ABCC11: variants seen among roughly 807,000 people sequenced by gnomAD.
ABCC11 encodes the protein ATP binding cassette subfamily C member 11, also known as ATP-binding cassette sub-family C member 11.
A neutral mutation model predicts 149.3 loss-of-function variants in ABCC11; 135 were observed. The observed-to-expected ratio is 0.90, with a 90% CI of 0.79 to 1.04. The LOEUF (loss-of-function observed/expected upper bound fraction) is 1.04. Ranked by LOEUF, ABCC11 falls within the 50% of genes least tolerant of loss-of-function variation. ABCC11 has a pLI of 0.00. For synonymous variants in ABCC11, 665 were observed against 671.4 expected, an observed-to-expected ratio of 0.99 and a Z score of 0.15; for missense variants, 1,680 against 1,722.1, an observed-to-expected ratio of 0.98 and a Z score of 0.43.
chr16:48,192,631 C>A lies in ABCC11; in HGVS notation c.2595G>T (p.Val865=). The A allele has an allele frequency of 6.2e-7, 1 of 1,614,206 alleles. No individual in the cohort carries two copies. The highest frequency in any genetic ancestry group is 8.5e-7 in the Non-Finnish European group (1 of 1,180,038). ...DNPQLSFYQL[V]YGLNALLLIC... ...TGAGGAGCAGGGCGTTGAGCCCGTA[C>A]ACCAGCTGGTAGAAGGACAGTTGAG... Residue 865 remains valine (V), a synonymous_variant, in exon 20 of 30, where the codon GTG becomes GTT. Coordinates refer to ENST00000356608, the MANE Select transcript of ABCC11 (RefSeq NM_001370497.1).
intron 3 of ABCC11, 30 bp downstream of exon 3, chr16:48,230,407 C>T (rs1435639948): frequency 6.4e-7 from 1 of 1,555,842 alleles, no homozygotes; most frequent in Non-Finnish European, 8.7e-7. Flanking sequence ...GTGGATACAG[C>T]TCTCTCCCAC....
At chr16:48,171,031 T>C in intron 26 of ABCC11, 64 bp from the exon 27 acceptor site, 1 of 1,349,328 alleles carries the variant, frequency 7.4e-7, no homozygotes, top group African/African-American at 1.4e-5. Flanking sequence ...CTCATTTATA[T>C]GCCCAGTGAA....
chr16:48,210,584 A>G (rs1004669864), intron 11 of ABCC11: 1 of 208,244 alleles, frequency 4.8e-6, no homozygotes, highest in African/African-American at 2.3e-5. Context: ...GTGAGTTCAC[A>G]GAATAACCAA....
At chr16:48,200,863 A>G (rs1967910574) in intron 14 of ABCC11, among the ~76,000 whole-genome samples, 1 of 152,254 alleles carries the variant, frequency 6.6e-6, no homozygotes, top group Admixed American at 6.5e-5. Flanking sequence ...AATGTATTGT[A>G]TATTTCAGCA....
intron 17 of ABCC11, 58 bp from the exon 18 acceptor site, chr16:48,196,379 C>T (rs529775349): frequency 2.0e-6 from 3 of 1,523,574 alleles, no homozygotes; most frequent in East Asian, 4.6e-5. Flanking sequence ...TGATCTGCTT[C>T]CTTCTGTCTC....
At chr16:48,218,481 T>G (rs1266521189) in intron 6 of ABCC11, among the ~76,000 whole-genome samples, 1 of 152,210 alleles carries the variant, frequency 6.6e-6, no homozygotes, top group Non-Finnish European at 1.5e-5. Flanking sequence ...TTTCTCATAT[T>G]GATTTGAGAA....
rs1567297015 is a variant in ABCC11, at chr16:48,239,959, CAAA to C, written c.-19+7352_-19+7354del. Among the ~76,000 whole-genome samples the C allele has an allele frequency of 4.6e-5, 7 of 152,266 alleles. No homozygotes were observed. In the East Asian group the frequency reaches 9.6e-4, roughly 21 times the overall value. ...CACTGATCATTAGAGAAATGCAAAT[CAAA>C]ACCACAGTGAGATGCCATCTTACAC... On this transcript the variant is annotated intron_variant, in intron 1 of 29. Coordinates refer to ENST00000356608, the MANE Select transcript of ABCC11 (RefSeq NM_001370497.1).
At chr16:48,224,234 A>T in intron 5 of ABCC11, 48 bp downstream of exon 5, 1 of 1,586,918 alleles carries the variant, frequency 6.3e-7, no homozygotes, top group Non-Finnish European at 8.6e-7. Flanking sequence ...CCATCGCTAA[A>T]CCTCTGAAGC....
intron 1 of ABCC11, chr16:48,244,723 C>G: frequency 1.3e-6 from 1 of 796,188 alleles, no homozygotes; most frequent in South Asian, 3.2e-5. Context: ...CAGTTCGGGG[C>G]GGCCTTCGCG....
rs1968875470 is a variant in ABCC11, at chr16:48,211,004, C to G, written c.1552G>C (p.Glu518Gln). 6.2e-7 allele frequency: 1 copy of G among 1,614,100 alleles called. No individual in the cohort carries two copies. Among genetic ancestry groups the G allele is most frequent in the Non-Finnish European group, 8.5e-7 (1 of 1,180,038 alleles). The change falls in exon 11 of 30, where the codon GAA (glutamate) becomes CAA (glutamine). Residue 518 changes from glutamate (E) to glutamine (Q), a missense_variant. Transcript: ENST00000356608. ...TCTGGGCCCAGGCTGTTCCCTTCTT[C>G]CTCTGGCCCGAGGGCATCTCTAGGC... Reference protein sequence around the residue: ...TRPRDALGPEEEGNSLGPELH... With the variant: ...TRPRDALGPEQEGNSLGPELH...
rs773888393 is a variant in ABCC11 at position 48,227,964 on chromosome 16, C to A, written c.237G>T (p.Arg79Ser). Residue 79 changes from arginine (R) to serine (S), a missense_variant and splice_region_variant, in exon 4 of 30, where the codon AGG (arginine) becomes AGT (serine). Physicochemically the swap from Arg to Ser is moderately radical, Grantham distance 110. Transcript: ENST00000356608. Reference sequence around the variant, plus strand: ...TGTCCAGGGGCTGGGGGGCAGGAAACCTAGTAGAGGGGCCACAAGGATAAG... The same window carrying A: ...TGTCCAGGGGCTGGGGGGCAGGAAAACTAGTAGAGGGGCCACAAGGATAAG... ...RTMIPFRPKP[R>S]FPAPQPLDNA... 1.2e-6 allele frequency: 2 copies of A among 1,608,862 alleles called. No homozygotes were observed. Among genetic ancestry groups the A allele is most frequent in the Non-Finnish European group, 1.7e-6 (2 of 1,177,390 alleles).
At chr16:48,219,164 T>G (rs1001401193) in intron 6 of ABCC11, among the ~76,000 whole-genome samples, 1 of 144,860 alleles carries the variant, frequency 6.9e-6, no homozygotes, top group African/African-American at 2.7e-5. Context: ...CTGTTTTGGT[T>G]TTGGGTTTTT....
At chr16:48,191,020 AG>A (rs1302783441) in intron 20 of ABCC11, among the ~76,000 whole-genome samples, 1 of 149,150 alleles carries the variant, frequency 6.7e-6, no homozygotes, top group Non-Finnish European at 1.5e-5. Context: ...GTAGGGAGGG[AG>A]GGATGAATAG....
chr16:48,193,888 C>T lies in ABCC11; in HGVS notation c.2499G>A (p.Gln833=). ...ACCTCATGGCACTCACCCCCGAGCC[C>T]TGCTCCAACCAGTAGCTCAGCCACC... The part of the protein sequence containing the change: ...SFWWLSYWLE[Q]GSGTNSSRES... Residue 833 remains glutamine (Q), a synonymous_variant, in exon 19 of 30, where the codon CAG becomes CAA. Transcript: ENST00000356608. The T allele has an allele frequency of 6.2e-7, 1 of 1,613,760 alleles. No individual in the cohort carries two copies. The highest frequency in any genetic ancestry group is 8.5e-7 in the Non-Finnish European group (1 of 1,179,740).
At chr16:48,246,111 C>T (rs1415893115) in intron 1 of ABCC11, among the ~76,000 whole-genome samples, 2 of 151,930 alleles carry the variant, frequency 1.3e-5, no homozygotes, top group South Asian at 2.1e-4. Flanking sequence ...TGGTACCTCC[C>T]CCCACCCCCG....
chr16:48,176,122 C>T (rs1346422315), intron 25 of ABCC11: 1 of 152,236 alleles, frequency 6.6e-6, no homozygotes, highest in Non-Finnish European at 1.5e-5. Context: ...AGGGTTTCCA[C>T]CAATCGGCAG....
chr16:48,196,431 T>C (rs1967422698), intron 17 of ABCC11, 110 bp from the exon 18 acceptor site: 1 of 997,374 alleles, frequency 1.0e-6, no homozygotes, highest in African/African-American at 1.6e-5. Flanking sequence ...CCAGCTTCAG[T>C]GCCCCACCTA....
chr16:48,233,481 A>G (rs1207025835), intron 1 of ABCC11, among the ~76,000 whole-genome samples: 1 of 152,198 alleles, frequency 6.6e-6, no homozygotes, highest in Non-Finnish European at 1.5e-5. Flanking sequence ...TAGAAAAGAG[A>G]AAAGAGAGAG....
chr16:48,230,352 C>A, intron 3 of ABCC11, 85 bp downstream of exon 3: 2 of 1,444,790 alleles, frequency 1.4e-6, no homozygotes, highest in Non-Finnish European at 1.8e-6. Flanking sequence ...AGTTATGCAA[C>A]CTTCGTGAGA....
Sources: gnomAD v4.1 joint callset for allele counts (sites outside exome capture counted in the v4.1 genomes callset) on GRCh38, gnomAD v4.1.1 for gene constraint, MANE v1.5 for transcripts, NCBI Gene and HGNC (gene_info 2026-07-23, HGNC 2026-07-21) for gene names.